USP32: variants seen among roughly 807,000 people sequenced by gnomAD.
The protein encoded by USP32 is ubiquitin specific peptidase 32.
In USP32, 59 loss-of-function variants were observed where a neutral mutation model predicts 204.8. The ratio of observed to expected loss-of-function variants is 0.29; its 90% CI spans 0.23 to 0.36. The LOEUF (loss-of-function observed/expected upper bound fraction) is 0.36. Among genes scored for constraint, USP32 ranks in the 10% least tolerant of loss-of-function variants. The pLI, the probability that USP32 is intolerant of heterozygous loss-of-function variation, is 1.00. For synonymous variants in USP32, 517 were observed against 678.4 expected, an observed-to-expected ratio of 0.76 and a Z score of 3.70; for missense variants, 1,160 against 1,946.4, an observed-to-expected ratio of 0.60 and a Z score of 7.60.
At chr17:60,413,861 CAAAAAAAAAAAAAAGAAAAAAA>C (rs1162643902) in intron 1 of USP32, among the ~76,000 whole-genome samples, 1 of 31,698 alleles carries the variant, frequency 3.2e-5, no homozygotes. Flanking sequence ...GATTCTGTCT[CAAAAAAAAAAAAAAGAAAAAAA>C]AAAAAAAAAA....
At chr17:60,421,241 C>T (rs1221526624) in intron 1 of USP32, 4 of 522,984 alleles carry the variant, frequency 7.6e-6, no homozygotes, top group African/African-American at 6.2e-5. Flanking sequence ...TTATTCCTCC[C>T]CTTACAACAA....
intron 7 of USP32, among the ~76,000 whole-genome samples, chr17:60,267,917 TCTC>T (rs1405447323): frequency 1.3e-5 from 2 of 152,046 alleles, no homozygotes; most frequent in Non-Finnish European, 2.9e-5. Context: ...TTCAAGCAAT[TCTC>T]CTGCCTCAGC....
At chr17:60,390,262 CA>C (rs1168462097) in intron 1 of USP32, among the ~76,000 whole-genome samples, 1 of 152,180 alleles carries the variant, frequency 6.6e-6, no homozygotes, top group East Asian at 1.9e-4. Flanking sequence ...TGGAATTTCT[CA>C]ATGCCAGGTA....
chr17:60,236,268 TCAAA>T (rs775382927), intron 11 of USP32, 28 bp from the exon 12 acceptor site: 65 of 1,577,654 alleles, frequency 4.1e-5, no homozygotes, highest in African/African-American at 3.1e-4. Context: ...ATTAAATACA[TCAAA>T]CAAAGTGTGA....
chr17:60,365,937 AT>A (rs2089302265), intron 1 of USP32, among the ~76,000 whole-genome samples: 1 of 152,066 alleles, frequency 6.6e-6, no homozygotes, highest in Non-Finnish European at 1.5e-5. Context: ...TTTTCGGTTC[AT>A]TTTTGGTTTA....
At chr17:60,223,309 A>T in intron 14 of USP32, 102 bp downstream of exon 14, 1 of 931,442 alleles carries the variant, frequency 1.1e-6, no homozygotes, top group Non-Finnish European at 1.6e-6. Context: ...TACAGTAATT[A>T]AATGAACCAT....
chr17:60,229,409 G>A (rs1264916995), intron 12 of USP32, among the ~76,000 whole-genome samples: 1 of 152,120 alleles, frequency 6.6e-6, no homozygotes, highest in Non-Finnish European at 1.5e-5. Flanking sequence ...AATAACTATT[G>A]CCCTAGTGAG....
intron 1 of USP32, among the ~76,000 whole-genome samples, chr17:60,410,822 T>TA (rs2090012177): frequency 6.6e-6 from 1 of 152,046 alleles, no homozygotes; most frequent in Admixed American, 6.6e-5. Context: ...GGCTCACGCC[T>TA]ATAATCTCAG....
chr17:60,227,057 A>T (rs2085411173), intron 12 of USP32, among the ~76,000 whole-genome samples: 1 of 148,324 alleles, frequency 6.7e-6, no homozygotes, highest in Non-Finnish European at 1.5e-5. Context: ...AAAAAAAAAA[A>T]AAATCATATT....
rs34842511 is a variant in USP32 at position 60,244,029 on chromosome 17, G to GTTTT, written c.1137-7793_1137-7790dup. On this transcript the variant is annotated intron_variant, in intron 11 of 33. Coordinates refer to ENST00000300896, the MANE Select transcript of USP32 (RefSeq NM_032582.4). ...TTTGAATCTCAAGTAGCTGGATTGT[G>GTTTT]TTTTTTTTTTTTTTTTTTTTTTTTG... 5.4e-3 allele frequency among the ~76,000 whole-genome samples: 388 copies of GTTTT among 71,710 alleles called. 43 individuals are homozygous for GTTTT. The highest frequency in any genetic ancestry group is 0.023 in the African/African-American group (330 of 14,194). The allele number at this position is 71,710 out of a possible 152,430, so 47.0% of individuals were successfully genotyped here.
chr17:60,310,019 G>A (rs569775914), intron 2 of USP32, among the ~76,000 whole-genome samples: 1 of 152,018 alleles, frequency 6.6e-6, no homozygotes, highest in East Asian at 1.9e-4. Flanking sequence ...ACTCCAGCCT[G>A]GGTGACAGAG....
rs1039419662 is a variant in USP32, at chr17:60,316,742, G to A, written c.187-15038C>T. ...TGTAGTCCCAGCTACTCGGGTGGCT[G>A]AGGCAGGATAATTGCTTCAGCCTGG... On this transcript the variant is annotated intron_variant, in intron 2 of 33. Coordinates refer to ENST00000300896, the MANE Select transcript of USP32 (RefSeq NM_032582.4). Among the ~76,000 whole-genome samples, 4 of 152,154 alleles carry A rather than the reference G, an allele frequency of 2.6e-5. No individual in the cohort carries two copies. The East Asian group carries it at 5.8e-4, about 22-fold the overall frequency.
rs1411324911 is a variant in USP32 at position 60,209,538 on chromosome 17, G to C, written c.2430C>G (p.Thr810=). 2.5e-6 allele frequency: 4 copies of C among 1,580,488 alleles called. No homozygotes were observed. In the South Asian group the frequency reaches 3.6e-5, roughly 14 times the overall value. The part of the protein sequence containing the change: ...KNVAPLKLRW[T]IAKYAPRFNG... ...TAAACCTGGGAGCATATTTTGCTAT[G>C]GTCCACTATAAATATAAGAGAAGTC... Residue 810 remains threonine, a synonymous_variant, in exon 22 of 34, where the codon ACC becomes ACG. Coordinates refer to ENST00000300896, the MANE Select transcript of USP32 (RefSeq NM_032582.4).
intron 9 of USP32, among the ~76,000 whole-genome samples, chr17:60,262,583 C>T (rs186197094): frequency 4.6e-5 from 7 of 152,132 alleles, no homozygotes; most frequent in African/African-American, 7.2e-5. Context: ...CTACTTGAAT[C>T]TTTGGAGGTT....
chr17:60,407,879 C>T (rs1466815762), intron 1 of USP32, among the ~76,000 whole-genome samples: 1 of 151,552 alleles, frequency 6.6e-6, no homozygotes, highest in East Asian at 1.9e-4. Flanking sequence ...AGGCGGATTG[C>T]CTGAGGTCAG....
chr17:60,184,293 C>CGACA (rs1328015720), intron 30 of USP32, among the ~76,000 whole-genome samples: 1 of 145,178 alleles, frequency 6.9e-6, no homozygotes, highest in African/African-American at 2.6e-5. Context: ...CCAGCCTGGG[C>CGACA]GACAGAGTGA....
At chr17:60,187,308 A>C (rs1477060504) in intron 29 of USP32, among the ~76,000 whole-genome samples, 2 of 152,214 alleles carry the variant, frequency 1.3e-5, no homozygotes, top group African/African-American at 4.8e-5. Flanking sequence ...CTCATTTAAA[A>C]AGGGGAACTT....
intron 1 of USP32, among the ~76,000 whole-genome samples, chr17:60,417,005 C>T (rs188318030): frequency 1.3e-5 from 2 of 149,700 alleles, no homozygotes; most frequent in Non-Finnish European, 3.0e-5. Context: ...GCAACCTCCC[C>T]CTCTTGGGTT....
intron 11 of USP32, among the ~76,000 whole-genome samples, chr17:60,247,819 G>A (rs1229825229): frequency 6.6e-6 from 1 of 152,168 alleles, no homozygotes; most frequent in African/African-American, 2.4e-5. Context: ...GAGTAGCTGG[G>A]ACTACAGGCA....
Sources: gnomAD v4.1 joint callset for allele counts (sites outside exome capture counted in the v4.1 genomes callset) on GRCh38, gnomAD v4.1.1 for gene constraint, MANE v1.5 for transcripts, NCBI Gene and HGNC (gene_info 2026-07-23, HGNC 2026-07-21) for gene names.